Variants in FOCAD observed in about 807,000 individuals in gnomAD.
FOCAD encodes the protein focadhesin, also known as KIAA1797.
In FOCAD, 198 loss-of-function variants were observed where a neutral mutation model predicts 225.6. The ratio of observed to expected loss-of-function variants is 0.88; its 90% CI spans 0.78 to 0.99. The LOEUF (loss-of-function observed/expected upper bound fraction) is 0.99. Ranked by LOEUF, FOCAD falls within the 50% of genes least tolerant of loss-of-function variation. The pLI is 0.00. For missense variants in FOCAD, 2,713 were observed against 2,123.6 expected (o/e 1.28, Z -5.46); for synonymous variants, 897 against 755.0 (o/e 1.19, Z -3.08).
intron 21 of FOCAD, among the ~76,000 whole-genome samples, chr9:20,905,446 A>G (rs186122886): frequency 1.1e-3 from 167 of 151,996 alleles, no homozygotes; most frequent in Middle Eastern, 6.8e-3. Context: ...CTTTTTGCCA[A>G]TTTGCTGAGG....
At chr9:20,754,738 G>A (rs555598429) in intron 5 of FOCAD, among the ~76,000 whole-genome samples, 1 of 152,006 alleles carries the variant, frequency 6.6e-6, no homozygotes, top group Non-Finnish European at 1.5e-5. Context: ...GTATCTAGTG[G>A]GTGGAGGCCA....
At chr9:20,991,467 C>T (rs1841663581) in intron 42 of FOCAD, among the ~76,000 whole-genome samples, 1 of 152,110 alleles carries the variant, frequency 6.6e-6, no homozygotes, top group Non-Finnish European at 1.5e-5. Context: ...TTTCTTAAAC[C>T]TGATAAGCAT....
chr9:20,757,394 T>TTG (rs1328588307), intron 5 of FOCAD, among the ~76,000 whole-genome samples: 1 of 152,210 alleles, frequency 6.6e-6, no homozygotes, highest in African/African-American at 2.4e-5. Context: ...TGTTTTTTTT[T>TTG]GGGGTTAAAC....
In FOCAD at chr9:20,799,142, T is replaced by C. The variant is rs771168981; in HGVS notation, c.1455+9534T>C. 7.5e-4 allele frequency among the ~76,000 whole-genome samples: 114 copies of C among 152,202 alleles called. 1 individual carries two copies. The highest frequency in any genetic ancestry group is 1.3e-4 in the Non-Finnish European group (9 of 68,028). The stretch of plus-strand genomic sequence containing the variant: ...TTAGGAGCAGGTCATTCAGTTTCCA[T>C]GTAGTTGAGCGGTTTTGAGTGAGTT... On this transcript the variant is annotated intron_variant, in intron 11 of 43. Transcript: ENST00000338382.
At chr9:20,786,902 C>A in intron 10 of FOCAD, 1 of 330,674 alleles carries the variant, frequency 3.0e-6, no homozygotes, top group Admixed American at 3.4e-5. Flanking sequence ...TAAACACCTA[C>A]TTCCTCCTCT....
At chr9:20,840,793 T>C (rs565029155) in intron 15 of FOCAD, among the ~76,000 whole-genome samples, 1 of 152,146 alleles carries the variant, frequency 6.6e-6, no homozygotes, top group Non-Finnish European at 1.5e-5. Flanking sequence ...TCCTTAGTCT[T>C]GTTCTAGATT....
At chr9:20,851,270 AT>A (rs1827629875) in intron 15 of FOCAD, among the ~76,000 whole-genome samples, 1 of 151,342 alleles carries the variant, frequency 6.6e-6, no homozygotes, top group Non-Finnish European at 1.5e-5. Context: ...GTATATTAAA[AT>A]TTTTTTCCAT....
intron 39 of FOCAD, among the ~76,000 whole-genome samples, chr9:20,984,633 T>G (rs1030636976): frequency 2.0e-5 from 3 of 152,350 alleles, no homozygotes; most frequent in East Asian, 3.9e-4. Flanking sequence ...TGGCAGCTTC[T>G]TCATTCCATC....
At chr9:20,926,443 CA>C (rs1247983906) in intron 26 of FOCAD, 26 bp downstream of exon 26, 1 of 1,394,146 alleles carries the variant, frequency 7.2e-7, no homozygotes, top group African/African-American at 1.4e-5. Context: ...AAAAAATGAT[CA>C]GAAAACTCAA....
chr9:20,936,564 C>T lies in FOCAD; in HGVS notation c.3407+3461C>T, dbSNP rs573060199. The stretch of plus-strand genomic sequence containing the variant: ...TGGTTTGAGGCCGGGCGCGGTGGCT[C>T]ACGCCTGTAATCCCAGGACTTTGGG... On this transcript the variant is annotated intron_variant, in intron 28 of 43. Transcript: ENST00000338382. Among the ~76,000 whole-genome samples, 204 of 152,180 alleles carry T rather than the reference C, an allele frequency of 1.3e-3. 5 individuals carry two copies. The South Asian group carries it at 0.041, about 31-fold the overall frequency.
chr9:20,950,899 C>A, intron 33 of FOCAD, 97 bp from the exon 34 acceptor site: 1 of 1,005,060 alleles, frequency 9.9e-7, no homozygotes, highest in Non-Finnish European at 1.6e-6. Flanking sequence ...GCCAAGCCAC[C>A]ACCTCCTAAA....
At position 20,742,082 on chromosome 9, in the gene FOCAD, C is replaced by T. The variant is rs77461339; in HGVS notation, c.392+1742C>T. Among the ~76,000 whole-genome samples, 281 of 152,258 alleles carry T rather than the reference C, an allele frequency of 1.8e-3. 1 individual carries two copies. The highest frequency in any genetic ancestry group is 3.1e-3 in the Non-Finnish European group (210 of 68,008). Reference sequence around the variant, plus strand: ...AATTTTAGAACATCTTCATCATCTCCAAAGAAATTCCTTACCAATTAGCCG... The same window carrying T: ...AATTTTAGAACATCTTCATCATCTCTAAAGAAATTCCTTACCAATTAGCCG... On this transcript the variant is annotated intron_variant, in intron 5 of 43. Transcript: ENST00000338382.
chr9:20,768,474 C>T (rs577241553), intron 7 of FOCAD, among the ~76,000 whole-genome samples: 130 of 151,812 alleles, frequency 8.6e-4, no homozygotes, highest in African/African-American at 2.9e-3. Context: ...GAATGTTCTT[C>T]CATTTGTTTG....
intron 39 of FOCAD, 61 bp downstream of exon 39, chr9:20,982,507 T>A (rs1447307930): frequency 1.5e-6 from 2 of 1,334,736 alleles, no homozygotes; most frequent in East Asian, 4.6e-5. Context: ...GATTGAATAA[T>A]TGATTTCAGT....
intron 4 of FOCAD, among the ~76,000 whole-genome samples, chr9:20,728,085 A>C (rs1254182777): frequency 6.6e-6 from 1 of 152,170 alleles, no homozygotes; most frequent in Non-Finnish European, 1.5e-5. Flanking sequence ...CCTAGCAAAA[A>C]CAGTCTGCCT....
chr9:20,960,494 C>G (rs1304338577), intron 35 of FOCAD, among the ~76,000 whole-genome samples: 2 of 152,126 alleles, frequency 1.3e-5, no homozygotes, highest in East Asian at 3.9e-4. Context: ...CCTATTTTCA[C>G]CGATTAGTTT....
Position 20,976,299 on chromosome 9 carries a change from C to T in FOCAD, c.4133-121C>T, listed in dbSNP as rs10119918. On this transcript the variant is annotated intron_variant, in intron 35 of 43. Transcript: ENST00000338382. ...AAGAGCACAGAATTGAAGCGTTGAT[C>T]GCAATTGAATATGTGATATCAGATC... 297,213 of 862,570 alleles carry T rather than the reference C, an allele frequency of 0.34. 53,134 individuals are homozygous for T. Among genetic ancestry groups the T allele is most frequent in the Admixed American group, 0.45 (19,981 of 43,962 alleles). The allele number at this position is 862,570 out of a possible 1,614,324, so 53.4% of individuals were successfully genotyped here. A position where few individuals can be genotyped will look rare whatever the true frequency, so the allele number is the denominator to read the frequency against.
intron 15 of FOCAD, among the ~76,000 whole-genome samples, chr9:20,843,347 G>A (rs562381175): frequency 3.3e-5 from 5 of 151,970 alleles, no homozygotes; most frequent in Admixed American, 2.6e-4. Context: ...TTTCTCTTTC[G>A]TATTTGAAGG....
intron 1 of FOCAD, among the ~76,000 whole-genome samples, chr9:20,710,406 G>C (rs912842932): frequency 2.0e-5 from 3 of 151,620 alleles, no homozygotes; most frequent in Admixed American, 2.0e-4. Context: ...GACCAGCCTC[G>C]CCAACATGGT....
Sources: allele counts gnomAD v4.1 joint callset (sites outside exome capture counted in the v4.1 genomes callset), GRCh38; gene constraint gnomAD v4.1.1; transcripts MANE v1.5; gene names NCBI Gene and HGNC (gene_info 2026-07-23, HGNC 2026-07-21).